ARID5B: variants seen among roughly 807,000 people sequenced by gnomAD.
ARID5B encodes AT-rich interaction domain 5B.
A neutral mutation model predicts 97.2 loss-of-function variants in ARID5B; 13 were observed. The ratio of observed to expected loss-of-function variants is 0.13; its 90% CI spans 0.09 to 0.21. ARID5B has a LOEUF of 0.21. Ranked by LOEUF, ARID5B falls within the 10% of genes least tolerant of loss-of-function variation. ARID5B has a pLI of 1.00. For synonymous variants in ARID5B, 556 were observed against 570.3 expected (o/e 0.97, Z 0.36); for missense variants, 1,210 against 1,465.3 (o/e 0.83, Z 2.84).
At chr10:62,029,055 GATCTGCTCGCCTCC>G (rs1301114697) in intron 4 of ARID5B, among the ~76,000 whole-genome samples, 1 of 152,034 alleles carries the variant, frequency 6.6e-6, no homozygotes, top group Non-Finnish European at 1.5e-5. Flanking sequence ...AATCAAGGGA[GATCTGCTCGCCTCC>G]ATCTGCTCTC....
In ARID5B at chr10:62,095,069, T is replaced by A; in HGVS notation, c.*2039T>A. The A allele has an allele frequency of 4.4e-6, 1 of 229,480 alleles. No individual in the cohort carries two copies. The highest frequency in any genetic ancestry group is 8.7e-6 in the Non-Finnish European group (1 of 115,476). The allele number at this position is 229,480 out of a possible 1,614,324, so 14.2% of individuals were successfully genotyped here. A position where few individuals can be genotyped will look rare whatever the true frequency, so the allele number is the denominator to read the frequency against. On this transcript the variant is annotated 3_prime_UTR_variant, in exon 10 of 10. Transcript: ENST00000279873. ...GAGATCCAGTGTTAAGAGTTCCATT[T>A]GCTTCAATTAATTATTTACCTTCCT... is the stretch of plus-strand genomic sequence containing the variant.
intron 2 of ARID5B, among the ~76,000 whole-genome samples, chr10:61,930,490 G>A (rs1456473902): frequency 2.6e-5 from 4 of 151,980 alleles, no homozygotes; most frequent in African/African-American, 9.7e-5. Context: ...GGAGGGCGAG[G>A]CGGGCGGATC....
At chr10:61,936,844 C>T (rs1312736339) in intron 2 of ARID5B, among the ~76,000 whole-genome samples, 48 of 132,962 alleles carry the variant, frequency 3.6e-4, no homozygotes, top group African/African-American at 4.2e-4. Context: ...TTTTTTTCTT[C>T]CCCAAAAAAA....
At chr10:62,067,647 G>T (rs1419440627) in intron 7 of ARID5B, among the ~76,000 whole-genome samples, 3 of 152,220 alleles carry the variant, frequency 2.0e-5, no homozygotes, top group African/African-American at 7.2e-5. Flanking sequence ...GCTATTCTCA[G>T]GTCATTCTGA....
intron 2 of ARID5B, among the ~76,000 whole-genome samples, chr10:61,927,936 C>A (rs1008987279): frequency 6.6e-6 from 1 of 152,170 alleles, no homozygotes; most frequent in Non-Finnish European, 1.5e-5. Context: ...GGGAGGCTGA[C>A]CTATGCGGGC....
At chr10:61,960,872 G>A (rs1263305069) in intron 3 of ARID5B, among the ~76,000 whole-genome samples, 1 of 152,258 alleles carries the variant, frequency 6.6e-6, no homozygotes, top group Non-Finnish European at 1.5e-5. Context: ...GGCAGACATA[G>A]ACTAGCACTC....
intron 3 of ARID5B, among the ~76,000 whole-genome samples, chr10:61,952,652 ACT>A (rs1360479656): frequency 2.0e-5 from 3 of 152,020 alleles, no homozygotes; most frequent in African/African-American, 7.2e-5. Context: ...TTCCTAAGAC[ACT>A]CTCTAGTGGA....
intron 8 of ARID5B, among the ~76,000 whole-genome samples, chr10:62,081,762 T>G (rs1840216689): frequency 6.6e-6 from 1 of 152,240 alleles, no homozygotes; most frequent in South Asian, 2.1e-4. Context: ...AGTAATAGAT[T>G]TGCTGACCCC....
chr10:61,903,579 CAGACTTTTG>C (rs1006289755), intron 2 of ARID5B, among the ~76,000 whole-genome samples: 1 of 152,226 alleles, frequency 6.6e-6, no homozygotes, highest in African/African-American at 2.4e-5. Flanking sequence ...GGTAATCAAA[CAGACTTTTG>C]AGGGCAGCTA....
Position 61,975,288 on chromosome 10 carries a change from C to A in ARID5B, c.503-24803C>A, listed in dbSNP as rs532060505. ...GATTAGCCCCTCAATATTGCAGAAG[C>A]CAAAAATTATTATTAAGGAGGACAA... On this transcript the variant is annotated intron_variant, in intron 3 of 9. Transcript: ENST00000279873. Among the ~76,000 whole-genome samples, 517 of 152,102 alleles carry A rather than the reference C, an allele frequency of 3.4e-3. 1 individual carries two copies. The highest frequency in any genetic ancestry group is 0.01 in the South Asian group (50 of 4,814).
At chr10:61,972,920 A>C (rs1337616592) in intron 3 of ARID5B, among the ~76,000 whole-genome samples, 1 of 152,170 alleles carries the variant, frequency 6.6e-6, no homozygotes, top group Admixed American at 6.5e-5. Flanking sequence ...GAAATGAACA[A>C]ATTTATTATC....
chr10:62,044,373 CTCTT>C (rs774784358), intron 4 of ARID5B, among the ~76,000 whole-genome samples: 2 of 84,840 alleles, frequency 2.4e-5, no homozygotes, highest in Non-Finnish European at 4.2e-5. Flanking sequence ...GGTTCATTTG[CTCTT>C]TTTTTTTTTT....
At chr10:61,984,565 G>A (rs1229751185) in intron 3 of ARID5B, among the ~76,000 whole-genome samples, 3 of 152,138 alleles carry the variant, frequency 2.0e-5, no homozygotes, top group African/African-American at 7.2e-5. Flanking sequence ...CAGGTGGGGG[G>A]GGCCTCAGTC....
intron 3 of ARID5B, among the ~76,000 whole-genome samples, chr10:61,941,559 C>T (rs182331691): frequency 1.3e-5 from 2 of 151,646 alleles, no homozygotes; most frequent in African/African-American, 4.8e-5. Context: ...TACAACAAAC[C>T]TAGGCAATTT....
intron 3 of ARID5B, among the ~76,000 whole-genome samples, chr10:61,953,355 AC>A (rs1838349197): frequency 6.6e-6 from 1 of 152,184 alleles, no homozygotes; most frequent in Non-Finnish European, 1.5e-5. Flanking sequence ...GCAGAGAAAA[AC>A]CTATAGTTAC....
intron 3 of ARID5B, among the ~76,000 whole-genome samples, chr10:61,978,981 G>T (rs964645490): frequency 2.0e-5 from 3 of 152,218 alleles, no homozygotes; most frequent in African/African-American, 7.2e-5. Context: ...CGTTCAGTAT[G>T]ATATTGGCTG....
intron 2 of ARID5B, among the ~76,000 whole-genome samples, chr10:61,921,046 C>A (rs1236741018): frequency 6.6e-6 from 1 of 152,164 alleles, no homozygotes. Flanking sequence ...TTGTCGTCAA[C>A]TCTGCAGAAA....
chr10:61,949,477 A>C (rs183736971), intron 3 of ARID5B, among the ~76,000 whole-genome samples: 1 of 152,278 alleles, frequency 6.6e-6, no homozygotes, highest in Admixed American at 6.5e-5. Flanking sequence ...TTTCCTACTA[A>C]AAATACAAAA....
intron 3 of ARID5B, among the ~76,000 whole-genome samples, chr10:61,979,095 C>T (rs1444181637): frequency 1.3e-5 from 2 of 152,172 alleles, no homozygotes; most frequent in African/African-American, 2.4e-5. Flanking sequence ...CAGAGCTCAT[C>T]GGGAGAATTC....
Sources: gnomAD v4.1 joint callset for allele counts (sites outside exome capture counted in the v4.1 genomes callset) on GRCh38, gnomAD v4.1.1 for gene constraint, MANE v1.5 for transcripts, NCBI Gene and HGNC (gene_info 2026-07-23, HGNC 2026-07-21) for gene names.